Variants in CALHM4 observed in about 807,000 individuals in gnomAD.
The protein encoded by CALHM4 is calcium homeostasis modulator family member 4, also known as calcium homeostasis modulator protein 4.
A neutral mutation model predicts 13.3 loss-of-function variants in CALHM4; 16 were observed. The ratio of observed to expected loss-of-function variants is 1.20; its 90% CI spans 0.81 to 1.82. The LOEUF (loss-of-function observed/expected upper bound fraction) is 1.82, where lower values mean the gene tolerates loss of function less well. CALHM4 is among the 40% of genes most tolerant of loss of function. CALHM4 has a pLI of 0.00. For synonymous variants in CALHM4, 127 were observed against 137.1 expected, an observed-to-expected ratio of 0.93 and a Z score of 0.52; for missense variants, 344 against 374.9, an observed-to-expected ratio of 0.92 and a Z score of 0.68.
chr6:116,534,883 T>G (rs1583286934), intron 1 of CALHM4, among the ~76,000 whole-genome samples: 1 of 152,310 alleles, frequency 6.6e-6, no homozygotes, highest in East Asian at 1.9e-4. Context: ...TTTCAAGTTT[T>G]TTAAGTCTTT....
chr6:116,549,083 G>A (rs990959748), upstream of CALHM4, among the ~76,000 whole-genome samples: 8 of 152,128 alleles, frequency 5.3e-5, no homozygotes, highest in South Asian at 4.1e-4. Flanking sequence ...TCAGGAGTTC[G>A]AGACCACCCT....
upstream of CALHM4, among the ~76,000 whole-genome samples, chr6:116,549,899 C>A (rs1773972713): frequency 6.7e-6 from 1 of 149,406 alleles, no homozygotes; most frequent in African/African-American, 2.5e-5. Context: ...TCGCTTCAAC[C>A]CGGCAGGCAG....
chr6:116,548,080 A>G (rs114367568), intron 2 of CALHM4, among the ~76,000 whole-genome samples: 1,539 of 152,320 alleles, frequency 0.01, 36 homozygotes, highest in African/African-American at 0.034. Flanking sequence ...GTTTAAACTT[A>G]ATGCCCATTG....
intron 1 of CALHM4, among the ~76,000 whole-genome samples, chr6:116,538,740 T>C (rs1160114389): frequency 1.3e-5 from 2 of 152,008 alleles, no homozygotes; most frequent in Non-Finnish European, 2.9e-5. Flanking sequence ...CTTTCTTTTT[T>C]TTTTTTTTTG....
chr6:116,556,926 A>G (rs1295371537), intron 1 of CALHM4, among the ~76,000 whole-genome samples: 2 of 144,450 alleles, frequency 1.4e-5, no homozygotes, highest in African/African-American at 5.1e-5. Flanking sequence ...TATGCTATTC[A>G]TTTATTTTTA....
At chr6:116,538,145 G>T (rs537348638) in intron 1 of CALHM4, among the ~76,000 whole-genome samples, 5 of 152,166 alleles carry the variant, frequency 3.3e-5, no homozygotes, top group Non-Finnish European at 7.4e-5. Context: ...TGATTAAAAT[G>T]AATATGTGGA....
At chr6:116,531,591 C>T (rs1583281520) in intron 1 of CALHM4, among the ~76,000 whole-genome samples, 1 of 152,194 alleles carries the variant, frequency 6.6e-6, no homozygotes, top group East Asian at 1.9e-4. Flanking sequence ...CTACAATAAA[C>T]CCTAAAGGTC....
At position 116,561,072 on chromosome 6, in the gene CALHM4, AT is replaced by A. The variant is rs1774570199; in HGVS notation, c.*2867del. 6.6e-6 allele frequency among the ~76,000 whole-genome samples: 1 copy of A among 152,134 alleles called. No homozygotes were observed. Among genetic ancestry groups the A allele is most frequent in the South Asian group, 2.1e-4 (1 of 4,834 alleles). ...TTTCTCTGTTCTCAGTCTTCCATTCATTTTTTGTAGAAATTCTAATGCATGA... is the reference window on the plus strand; with the variant it reads ...TTTCTCTGTTCTCAGTCTTCCATTCATTTTTGTAGAAATTCTAATGCATGA... On this transcript the variant is annotated 3_prime_UTR_variant, in exon 2 of 2. Coordinates refer to ENST00000368596, the MANE Select transcript of CALHM4 (RefSeq NM_001366078.2).
intron 2 of CALHM4, among the ~76,000 whole-genome samples, chr6:116,546,521 A>G (rs1773790688): frequency 6.6e-6 from 1 of 152,200 alleles, no homozygotes; most frequent in Non-Finnish European, 1.5e-5. Flanking sequence ...TTTGACGAAA[A>G]GTGTGGTGTA....
rs1774530847 is a variant in CALHM4, at chr6:116,560,381, A to G, written c.*2170A>G. ...TAATAGTTGTTTATACCCTAATACC[A>G]GGAAACTATTTCCACTAGCTTCTGA... On this transcript the variant is annotated 3_prime_UTR_variant, in exon 2 of 2. Transcript: ENST00000368596. Among the ~76,000 whole-genome samples, 1 of 152,196 alleles carries G rather than the reference A, an allele frequency of 6.6e-6. No homozygotes were observed. The highest frequency in any genetic ancestry group is 1.5e-5 in the Non-Finnish European group (1 of 68,022).
chr6:116,551,253 C>T (rs1774067117), upstream of CALHM4, among the ~76,000 whole-genome samples: 1 of 152,164 alleles, frequency 6.6e-6, no homozygotes, highest in African/African-American at 2.4e-5. Flanking sequence ...TTCCGTGGCA[C>T]AAGTTGATAT....
At chr6:116,551,806 A>T (rs1463170985), upstream of CALHM4, among the ~76,000 whole-genome samples, 3 of 152,108 alleles carry the variant, frequency 2.0e-5, no homozygotes, top group Non-Finnish European at 4.4e-5. Context: ...CAAAGTGGTT[A>T]CTCCATTTCA....
At chr6:116,532,771 G>C (rs965376192) in intron 1 of CALHM4, among the ~76,000 whole-genome samples, 2 of 152,158 alleles carry the variant, frequency 1.3e-5, no homozygotes, top group African/African-American at 2.4e-5. Flanking sequence ...CTCACAAACT[G>C]ATTAAAACAT....
At chr6:116,550,779 A>G (rs1291196324), upstream of CALHM4, among the ~76,000 whole-genome samples, 2 of 152,182 alleles carry the variant, frequency 1.3e-5, no homozygotes, top group Admixed American at 6.5e-5. Context: ...AAATAAATCA[A>G]TATAATTAAC....
chr6:116,554,708 T>A (rs985260703), intron 1 of CALHM4, among the ~76,000 whole-genome samples: 1 of 152,188 alleles, frequency 6.6e-6, no homozygotes, highest in South Asian at 2.1e-4. Context: ...AGATTTTAGA[T>A]GTTATGAATA....
At chr6:116,534,574 C>T (rs563551827) in intron 1 of CALHM4, among the ~76,000 whole-genome samples, 1 of 152,212 alleles carries the variant, frequency 6.6e-6, no homozygotes, top group Admixed American at 6.5e-5. Flanking sequence ...AAAAAAATTC[C>T]CCCTGCTATT....
chr6:116,548,372 C>G (rs1377708049), intron 2 of CALHM4, among the ~76,000 whole-genome samples: 1 of 152,116 alleles, frequency 6.6e-6, no homozygotes, highest in Non-Finnish European at 1.5e-5. Flanking sequence ...TATAGCATCA[C>G]AAAAGAACTA....
chr6:116,540,309 A>C, intron 1 of CALHM4: 1 of 1,510,642 alleles, frequency 6.6e-7, no homozygotes, highest in East Asian at 2.5e-5. Flanking sequence ...CACCATACTC[A>C]AAAAGAATCA....
chr6:116,529,777 CA>C (rs745699763), intron 1 of CALHM4, among the ~76,000 whole-genome samples: 3 of 152,118 alleles, frequency 2.0e-5, no homozygotes, highest in Non-Finnish European at 2.9e-5. Context: ...AGATTTTAAC[CA>C]AGTGAAGGGC....
Sources: gnomAD v4.1 joint callset for allele counts (sites outside exome capture counted in the v4.1 genomes callset) on GRCh38, gnomAD v4.1.1 for gene constraint, MANE v1.5 for transcripts, NCBI Gene and HGNC (gene_info 2026-07-23, HGNC 2026-07-21) for gene names.